Variants in ACSBG2 observed in about 807,000 individuals in gnomAD.
ACSBG2 encodes the protein long-chain-fatty-acid--CoA ligase ACSBG2.
A neutral mutation model predicts 74.7 loss-of-function variants in ACSBG2; 62 were observed. The observed-to-expected ratio is 0.83, with a 90% CI of 0.68 to 1.03. The LOEUF (loss-of-function observed/expected upper bound fraction) is 1.03. ACSBG2 is among the 50% of genes least tolerant of loss of function. The pLI is 0.00. For missense variants in ACSBG2, 730 were observed against 817.6 expected, an observed-to-expected ratio of 0.89 and a Z score of 1.31; for synonymous variants, 309 against 294.1, an observed-to-expected ratio of 1.05 and a Z score of -0.52.
chr19:6,168,446 C>T (rs1307544085), intron 7 of ACSBG2, among the ~76,000 whole-genome samples: 1 of 152,142 alleles, frequency 6.6e-6, no homozygotes, highest in East Asian at 1.9e-4. Context: ...AAAATTTTGA[C>T]ACTGTCATAT....
chr19:6,188,063 C>G (rs1030659554), intron 13 of ACSBG2, among the ~76,000 whole-genome samples: 4 of 152,206 alleles, frequency 2.6e-5, no homozygotes, highest in Admixed American at 6.5e-5. Flanking sequence ...CTCTCGCCTG[C>G]TGACCTTTCA....
intron 4 of ACSBG2, 23 bp from the exon 5 acceptor site, chr19:6,156,408 A>C: frequency 6.3e-7 from 1 of 1,578,064 alleles, no homozygotes; most frequent in Non-Finnish European, 8.6e-7. Flanking sequence ...GGATGCACAC[A>C]CGAATTTGTT....
At chr19:6,171,490 A>C (rs2089964527) in intron 7 of ACSBG2, among the ~76,000 whole-genome samples, 1 of 152,188 alleles carries the variant, frequency 6.6e-6, no homozygotes, top group South Asian at 2.1e-4. Context: ...AGTGGGATAT[A>C]AAATTATTGG....
chr19:6,145,448 T>G (rs567933800), intron 2 of ACSBG2, among the ~76,000 whole-genome samples: 148 of 142,808 alleles, frequency 1.0e-3, no homozygotes, highest in African/African-American at 3.7e-3. Flanking sequence ...AAAAAAAAAG[T>G]AGCATCCCAT....
intron 7 of ACSBG2, among the ~76,000 whole-genome samples, chr19:6,172,049 G>T (rs945385441): frequency 6.6e-6 from 1 of 151,692 alleles, no homozygotes; most frequent in Non-Finnish European, 1.5e-5. Flanking sequence ...AGTTCAATTT[G>T]GTTTTTTCTT....
At chr19:6,137,115 C>T (rs1229114159) in intron 1 of ACSBG2, among the ~76,000 whole-genome samples, 2 of 148,970 alleles carry the variant, frequency 1.3e-5, no homozygotes, top group Non-Finnish European at 3.0e-5. Flanking sequence ...TAAAGTAATA[C>T]CTGAAGATGG....
rs572020488 is a variant in ACSBG2 at position 6,187,495 on chromosome 19, C to A, written c.1680+73C>A. 7.9e-5 allele frequency: 126 copies of A among 1,602,428 alleles called. No individual in the cohort carries two copies. In the Middle Eastern group the frequency reaches 8.3e-4, roughly 11 times the overall value. On this transcript the variant is annotated intron_variant, in intron 12 of 14. Transcript: ENST00000588485. The stretch of plus-strand genomic sequence containing the variant: ...GGGTTCCCTGGCCCCACCCCAGGGT[C>A]AAGAGGATGCATCTGTGGGTTCAAG...
At chr19:6,151,113 C>CAAAAAAAAAAAAAAAAAAAAA (rs1332726831) in intron 3 of ACSBG2, among the ~76,000 whole-genome samples, 1 of 58,998 alleles carries the variant, frequency 1.7e-5, no homozygotes. Flanking sequence ...GACTCTGTCT[C>CAAAAAAAAAAAAAAAAAAAAA]AAAAAAAAAA....
At chr19:6,169,669 G>T (rs998157764) in intron 7 of ACSBG2, among the ~76,000 whole-genome samples, 6 of 152,150 alleles carry the variant, frequency 3.9e-5, no homozygotes, top group African/African-American at 1.4e-4. Context: ...GATTGCTTTG[G>T]GCAGTATGGT....
At chr19:6,183,478 T>A (rs78572778) in intron 10 of ACSBG2, among the ~76,000 whole-genome samples, 4,781 of 152,236 alleles carry the variant, frequency 0.031, 218 homozygotes, top group African/African-American at 0.11. Context: ...GGGGGATGGC[T>A]CTCTGAACAT....
At position 6,166,289 on chromosome 19, in the gene ACSBG2, TG is replaced by T. The variant is rs1484494706; in HGVS notation, c.738+275del. Among the ~76,000 whole-genome samples, 200 of 138,242 alleles carry T rather than the reference TG, an allele frequency of 1.4e-3. 2 individuals are homozygous for T. Among genetic ancestry groups the T allele is most frequent in the African/African-American group, 5.1e-3 (196 of 38,128 alleles). 90.7% of individuals were successfully genotyped at this position (138,242 alleles called of 152,430 possible). The stretch of plus-strand genomic sequence containing the variant: ...GTGTGAGTCAGGAAGGTTGTGTGTG[TG>T]TGTGTGTGTGTGTGTGTGTGTGTGT... On this transcript the variant is annotated intron_variant, in intron 7 of 14. Coordinates refer to ENST00000588485, the MANE Select transcript of ACSBG2 (RefSeq NM_030924.5).
chr19:6,166,049 C>G, intron 7 of ACSBG2, 34 bp downstream of exon 7: 2 of 1,610,824 alleles, frequency 1.2e-6, no homozygotes, highest in Non-Finnish European at 1.7e-6. Context: ...GGAGTGGTGG[C>G]CTTTGGGCTG....
intron 14 of ACSBG2, 100 bp downstream of exon 14, chr19:6,190,792 CACACACATACACACATACAT>C (rs2090539630): frequency 3.6e-6 from 2 of 553,244 alleles, no homozygotes; most frequent in Non-Finnish European, 6.5e-6. Context: ...CTGCAGAAAA[CACACACATACACACATACAT>C]ACACACACAC....
At chr19:6,154,443 T>TA (rs1600049357) in intron 4 of ACSBG2, among the ~76,000 whole-genome samples, 1 of 132,120 alleles carries the variant, frequency 7.6e-6, no homozygotes, top group East Asian at 2.2e-4. Flanking sequence ...AAAATTATTA[T>TA]TATATATATA....
In ACSBG2 at chr19:6,185,504, T is replaced by G; in HGVS notation, c.1391T>G (p.Ile464Ser). The G allele has an allele frequency of 1.2e-6, 2 of 1,614,192 alleles. 1 individual carries two copies. Among genetic ancestry groups the G allele is most frequent in the South Asian group, 2.2e-5 (2 of 91,084 alleles). Residue 464 changes from isoleucine (I) to serine (S), a missense_variant, in exon 11 of 15, where the codon ATC (isoleucine) becomes AGC (serine). By Grantham distance (142) the Ile-to-Ser change is moderately radical (BLOSUM62 -2). Transcript: ENST00000588485. ...CAGAACAAGGATGGCATTGGGGAGA[T>G]CTGCCTCTGGGGTAGGCACATCTTC... is the stretch of plus-strand genomic sequence containing the variant. ...FQQNKDGIGE[I>S]CLWGRHIFMG...
chr19:6,137,847 C>T (rs75838623), intron 1 of ACSBG2, among the ~76,000 whole-genome samples: 3,399 of 152,034 alleles, frequency 0.022, 131 homozygotes, highest in African/African-American at 0.078. Flanking sequence ...AGGGTTTCAC[C>T]GTGTGAACCA....
intron 4 of ACSBG2, among the ~76,000 whole-genome samples, chr19:6,153,203 G>A (rs575093778): frequency 1.3e-5 from 2 of 152,054 alleles, no homozygotes; most frequent in Non-Finnish European, 2.9e-5. Context: ...CCGAGATCGC[G>A]CCACTGCACT....
At chr19:6,185,764 G>A (rs1600133240) in intron 11 of ACSBG2, 111 bp downstream of exon 11, 2 of 1,131,392 alleles carry the variant, frequency 1.8e-6, no homozygotes, top group South Asian at 2.9e-5. Flanking sequence ...CCTTCCAAGA[G>A]GAGCTGTGCA....
At chr19:6,163,730 G>A in intron 6 of ACSBG2, among the ~76,000 whole-genome samples, 1 of 150,242 alleles carries the variant, frequency 6.7e-6, no homozygotes, top group South Asian at 2.1e-4. Flanking sequence ...ACTCCAGCCT[G>A]GGCGACAGAG....
Sources: allele counts gnomAD v4.1 joint callset (sites outside exome capture counted in the v4.1 genomes callset), GRCh38; gene constraint gnomAD v4.1.1; transcripts MANE v1.5; gene names NCBI Gene and HGNC (gene_info 2026-07-23, HGNC 2026-07-21).